The following NOS1AP variants were observed in gnomAD, a reference collection of about 807,000 sequenced individuals.
NOS1AP encodes the protein carboxyl-terminal PDZ ligand of neuronal nitric oxide synthase protein.
Under a neutral mutation model 56.2 loss-of-function variants are expected in NOS1AP, and 21 were observed. That is an observed-to-expected ratio of 0.37 (90% CI 0.26 to 0.54). NOS1AP has a LOEUF of 0.54. Ranked by LOEUF, NOS1AP falls within the 20% of genes least tolerant of loss-of-function variation. The pLI is 0.84. For missense variants in NOS1AP, 522 were observed against 657.8 expected (o/e 0.79, Z 2.26); for synonymous variants, 270 against 274.6 (o/e 0.98, Z 0.17).
chr1:162,308,327 T>C (rs1007302450), intron 4 of NOS1AP, among the ~76,000 whole-genome samples: 3 of 151,342 alleles, frequency 2.0e-5, no homozygotes, highest in African/African-American at 4.9e-5. Flanking sequence ...ACAGGTGGAG[T>C]TGGGGTATGG....
At chr1:162,336,300 T>C (rs1223098779) in intron 5 of NOS1AP, among the ~76,000 whole-genome samples, 1 of 152,176 alleles carries the variant, frequency 6.6e-6, no homozygotes, top group African/African-American at 2.4e-5. Context: ...AGGTACATAA[T>C]GTGTGTAAAG....
rs34280743 is a variant in NOS1AP at position 162,176,505 on chromosome 1, C to CTTTT, written c.177+22048_177+22051dup. ...CATATCTTTTTGTGGCATAATAGCT[C>CTTTT]TTTTTTTTTTTTTTTTTTTTTTGAG... is the stretch of plus-strand genomic sequence containing the variant. On this transcript the variant is annotated intron_variant, in intron 2 of 9. Coordinates refer to ENST00000361897, the MANE Select transcript of NOS1AP (RefSeq NM_014697.3). Among the ~76,000 whole-genome samples the CTTTT allele has an allele frequency of 1.4e-3, 124 of 87,484 alleles. 3 individuals are homozygous for CTTTT. Among genetic ancestry groups the CTTTT allele is most frequent in the Non-Finnish European group, 1.9e-3 (93 of 50,270 alleles). The allele number at this position is 87,484 out of a possible 152,430, so 57.4% of individuals were successfully genotyped here. A position where few individuals can be genotyped will look rare whatever the true frequency, so the allele number is the denominator to read the frequency against.
chr1:162,315,965 G>T (rs942672358), intron 4 of NOS1AP, among the ~76,000 whole-genome samples: 5 of 151,962 alleles, frequency 3.3e-5, no homozygotes, highest in African/African-American at 1.2e-4. Flanking sequence ...CTATCTTTGG[G>T]GCTCCTTAAC....
intron 7 of NOS1AP, among the ~76,000 whole-genome samples, chr1:162,356,404 G>A (rs950958965): frequency 1.1e-4 from 16 of 152,164 alleles, no homozygotes; most frequent in African/African-American, 2.4e-4. Flanking sequence ...CTTCTTTGCC[G>A]ATGGTTCTCA....
At chr1:162,111,653 A>G (rs1647715114) in intron 1 of NOS1AP, among the ~76,000 whole-genome samples, 4 of 152,216 alleles carry the variant, frequency 2.6e-5, no homozygotes, top group Admixed American at 6.5e-5. Context: ...CTTATTACCA[A>G]AAAAGTTGCT....
At chr1:162,151,639 C>G (rs1649709514) in intron 1 of NOS1AP, among the ~76,000 whole-genome samples, 1 of 152,108 alleles carries the variant, frequency 6.6e-6, no homozygotes, top group Non-Finnish European at 1.5e-5. Flanking sequence ...GGTTATCTTT[C>G]CATTATTTTG....
At chr1:162,114,997 C>T (rs932984134) in intron 1 of NOS1AP, among the ~76,000 whole-genome samples, 2 of 152,130 alleles carry the variant, frequency 1.3e-5, no homozygotes, top group Non-Finnish European at 2.9e-5. Flanking sequence ...CCATAATGGC[C>T]AAGATTCTTA....
chr1:162,097,042 A>T (rs1001000690), intron 1 of NOS1AP, among the ~76,000 whole-genome samples: 3 of 152,038 alleles, frequency 2.0e-5, no homozygotes, highest in African/African-American at 4.8e-5. Flanking sequence ...TTGACAAAAT[A>T]TACATTCATA....
At chr1:162,116,925 G>A (rs559974193) in intron 1 of NOS1AP, among the ~76,000 whole-genome samples, 1 of 151,910 alleles carries the variant, frequency 6.6e-6, no homozygotes, top group Non-Finnish European at 1.5e-5. Context: ...TAGCTTTTTG[G>A]GGGGGCTGGA....
intron 8 of NOS1AP, among the ~76,000 whole-genome samples, chr1:162,360,079 A>C (rs1018334696): frequency 3.8e-5 from 5 of 132,168 alleles, no homozygotes; most frequent in African/African-American, 1.2e-4. Context: ...GACCAGGCTT[A>C]GGTTTCCTTC....
At chr1:162,140,012 A>G (rs1360833077) in intron 1 of NOS1AP, among the ~76,000 whole-genome samples, 1 of 152,078 alleles carries the variant, frequency 6.6e-6, no homozygotes, top group Admixed American at 6.5e-5. Flanking sequence ...TATTTTCAGT[A>G]GAGACAAGGT....
intron 1 of NOS1AP, among the ~76,000 whole-genome samples, chr1:162,081,774 A>ATATATATATTTTTTTTTTTTTTTTTT: frequency 4.8e-4 from 21 of 44,044 alleles, no homozygotes; most frequent in African/African-American, 1.3e-3. Flanking sequence ...ATATATATAT[A>ATATATATATTTTTTTTTTTTTTTTTT]TTTTTTTTTT....
chr1:162,116,185 C>G (rs538015974), intron 1 of NOS1AP, among the ~76,000 whole-genome samples: 1 of 152,126 alleles, frequency 6.6e-6, no homozygotes, highest in Non-Finnish European at 1.5e-5. Context: ...GAAGCGGGGT[C>G]GTGACTCACT....
intron 2 of NOS1AP, among the ~76,000 whole-genome samples, chr1:162,212,899 A>G (rs1652420705): frequency 6.6e-6 from 1 of 152,158 alleles, no homozygotes; most frequent in South Asian, 2.1e-4. Flanking sequence ...GACCATGTCA[A>G]CAAGTTCAGC....
intron 2 of NOS1AP, among the ~76,000 whole-genome samples, chr1:162,254,242 C>G (rs1208474077): frequency 1.3e-5 from 2 of 152,166 alleles, no homozygotes; most frequent in African/African-American, 2.4e-5. Flanking sequence ...AAATGTGCAT[C>G]ATGTAACTGC....
intron 1 of NOS1AP, among the ~76,000 whole-genome samples, chr1:162,153,775 G>C (rs1189875315): frequency 6.6e-6 from 1 of 152,122 alleles, no homozygotes; most frequent in Non-Finnish European, 1.5e-5. Context: ...ATTCTTTTGT[G>C]CTGCATATTT....
intron 4 of NOS1AP, among the ~76,000 whole-genome samples, chr1:162,322,663 A>C (rs1372352754): frequency 6.6e-6 from 1 of 152,234 alleles, no homozygotes; most frequent in Non-Finnish European, 1.5e-5. Context: ...GGGATGATAA[A>C]GAAATCCAGC....
intron 1 of NOS1AP, among the ~76,000 whole-genome samples, chr1:162,143,170 G>C (rs763523395): frequency 6.6e-6 from 1 of 152,134 alleles, no homozygotes; most frequent in Non-Finnish European, 1.5e-5. Flanking sequence ...TGGCAGGTGG[G>C]GGTGTTTGCC....
intron 2 of NOS1AP, among the ~76,000 whole-genome samples, chr1:162,200,877 G>GAACACTGTGATGAATTTAGAGC (rs1219330207): frequency 2.6e-5 from 4 of 152,182 alleles, no homozygotes; most frequent in Admixed American, 1.3e-4. Context: ...ACCACACCTG[G>GAACACTGTGATGAATTTAGAGC]AACACTGTGA....
Sources: gnomAD v4.1 joint callset for allele counts (sites outside exome capture counted in the v4.1 genomes callset) on GRCh38, gnomAD v4.1.1 for gene constraint, MANE v1.5 for transcripts, NCBI Gene and HGNC (gene_info 2026-07-23, HGNC 2026-07-21) for gene names.